PTPRS: variants seen among roughly 807,000 people sequenced by gnomAD.
The protein encoded by PTPRS is protein tyrosine phosphatase receptor type S.
A neutral mutation model predicts 215.3 loss-of-function variants in PTPRS; 63 were observed. The observed-to-expected ratio is 0.29, with a 90% confidence interval of 0.24 to 0.36. The LOEUF is 0.36. PTPRS is among the 10% of genes least tolerant of loss of function. PTPRS has a pLI of 1.00. For missense variants in PTPRS, 2,258 were observed against 2,825.8 expected, an observed-to-expected ratio of 0.80 and a Z score of 4.56; for synonymous variants, 1,404 against 1,191.4, an observed-to-expected ratio of 1.18 and a Z score of -3.68.
intron 1 of PTPRS, among the ~76,000 whole-genome samples, chr19:5,298,030 A>G (rs1166937699): frequency 6.6e-6 from 1 of 152,038 alleles, no homozygotes; most frequent in African/African-American, 2.4e-5. Context: ...TCCTGACCTC[A>G]TGATCCGCCC....
intron 1 of PTPRS, among the ~76,000 whole-genome samples, chr19:5,321,542 T>C (rs2050023996): frequency 6.6e-6 from 1 of 152,198 alleles, no homozygotes; most frequent in Non-Finnish European, 1.5e-5. Flanking sequence ...GGTCATTTTG[T>C]AGAGGCCTCA....
chr19:5,264,720 C>A (rs2046277869), intron 5 of PTPRS, among the ~76,000 whole-genome samples: 1 of 152,138 alleles, frequency 6.6e-6, no homozygotes, highest in Non-Finnish European at 1.5e-5. Context: ...AACTCCCCAT[C>A]CTTGTGCATG....
Position 5,210,426 on chromosome 19 carries a change from A to G in PTPRS, c.5487+43T>C. ...CAACCAGGGCAGCCCTTTCCAGATC[A>G]CTAAGGCTCCAGCCCCTCCCGCCAG... On this transcript the variant is annotated intron_variant, in intron 35 of 37. Transcript: ENST00000262963. This position sits in a 1 kb window ranked among gnomAD's most constrained non-coding sequence, Gnocchi z 4.5. 6.2e-7 allele frequency: 1 copy of G among 1,613,100 alleles called. No homozygotes were observed. Among genetic ancestry groups the G allele is most frequent in the Non-Finnish European group, 8.5e-7 (1 of 1,179,486 alleles).
intron 9 of PTPRS, among the ~76,000 whole-genome samples, chr19:5,252,406 G>A (rs1011588929): frequency 2.0e-5 from 3 of 151,898 alleles, no homozygotes; most frequent in African/African-American, 4.8e-5. Context: ...GTGAAACCCT[G>A]TCTCTACCAG....
intron 1 of PTPRS, among the ~76,000 whole-genome samples, chr19:5,324,780 G>A (rs1363781637): frequency 1.3e-5 from 2 of 152,172 alleles, no homozygotes; most frequent in Non-Finnish European, 2.9e-5. Context: ...AGGACCACGA[G>A]GCACTCAGCT....
At chr19:5,326,340 G>T (rs1454710804) in intron 1 of PTPRS, among the ~76,000 whole-genome samples, 1 of 152,208 alleles carries the variant, frequency 6.6e-6, no homozygotes, top group East Asian at 1.9e-4. Flanking sequence ...CCTCAGGGGT[G>T]CTCAGGCTTC....
chr19:5,316,455 T>C (rs2049879723), intron 1 of PTPRS, among the ~76,000 whole-genome samples: 1 of 152,100 alleles, frequency 6.6e-6, no homozygotes, highest in Non-Finnish European at 1.5e-5. Context: ...TGTGGTGCTG[T>C]GATCTTGGCT....
At chr19:5,219,917 G>A (rs185219892) in intron 22 of PTPRS, 22 bp downstream of exon 22, 24,371 of 1,610,114 alleles carry the variant, frequency 0.015, 221 homozygotes, top group Non-Finnish European at 0.017. Flanking sequence ...CTGGATGTGG[G>A]CGGACACCAT....
chr19:5,334,152 T>G (rs993943578), intron 1 of PTPRS, among the ~76,000 whole-genome samples: 4 of 152,172 alleles, frequency 2.6e-5, no homozygotes, highest in African/African-American at 9.7e-5. Flanking sequence ...TGGGGCGGCC[T>G]TGATTAAGCA....
chr19:5,218,149 C>T (rs1414660245), intron 25 of PTPRS, among the ~76,000 whole-genome samples: 8 of 151,506 alleles, frequency 5.3e-5, no homozygotes, highest in Non-Finnish European at 1.2e-4. Flanking sequence ...ATTTTTTAAA[C>T]ATCGTCTTTA....
rs1024617730 is a variant in PTPRS, at chr19:5,268,086, C to T, written c.380-2890G>A. On this transcript the variant is annotated intron_variant, in intron 4 of 37. Coordinates refer to ENST00000262963, the MANE Select transcript of PTPRS (RefSeq NM_002850.4). ...TCGGGAGGCTGAGGCAGGAGAATGG[C>T]GTGAAGCCGGGAGGCGGACTTTGCA... Among the ~76,000 whole-genome samples the T allele has an allele frequency of 5.3e-5, 8 of 152,202 alleles. No individual in the cohort carries two copies. The South Asian group carries it at 1.5e-3, about 28-fold the overall frequency.
chr19:5,242,579 A>G (rs570956699), intron 11 of PTPRS, among the ~76,000 whole-genome samples: 40 of 145,540 alleles, frequency 2.7e-4, no homozygotes, highest in African/African-American at 1.0e-3. Context: ...AGGTTTTGTC[A>G]TGTTGGCCAG....
At chr19:5,275,418 A>C (rs2047281002) in intron 2 of PTPRS, among the ~76,000 whole-genome samples, 1 of 147,784 alleles carries the variant, frequency 6.8e-6, no homozygotes, top group Non-Finnish European at 1.5e-5. Context: ...ATAGGGATTC[A>C]CTCTGTCACC....
intron 24 of PTPRS, 102 bp from the exon 25 acceptor site, chr19:5,218,634 A>G (rs1430590856): frequency 4.0e-6 from 6 of 1,512,636 alleles, no homozygotes; most frequent in Non-Finnish European, 5.5e-6. Context: ...AGGACCATGG[A>G]CCCGTATGAC....
intron 1 of PTPRS, among the ~76,000 whole-genome samples, chr19:5,310,268 T>TA (rs1391891621): frequency 1.3e-5 from 2 of 151,990 alleles, no homozygotes; most frequent in African/African-American, 4.8e-5. Flanking sequence ...ATTCTGTAGC[T>TA]AAAACAGCCC....
chr19:5,311,872 C>T (rs74174305), intron 1 of PTPRS, among the ~76,000 whole-genome samples: 1 of 152,024 alleles, frequency 6.6e-6, no homozygotes, highest in African/African-American at 2.4e-5. Flanking sequence ...AACCCCGTCT[C>T]TACTAAAAAT....
chr19:5,328,340 C>T (rs953876896), intron 1 of PTPRS, among the ~76,000 whole-genome samples: 1 of 152,014 alleles, frequency 6.6e-6, no homozygotes, highest in Non-Finnish European at 1.5e-5. Context: ...AAACTCCTGA[C>T]CTCAGGTGAT....
chr19:5,279,963 G>A (rs537092499), intron 2 of PTPRS, among the ~76,000 whole-genome samples: 4 of 152,174 alleles, frequency 2.6e-5, no homozygotes, highest in African/African-American at 9.7e-5. Flanking sequence ...GATTACAGGC[G>A]TGAGCCACCA....
At chr19:5,290,466 G>C (rs2048720000) in intron 1 of PTPRS, among the ~76,000 whole-genome samples, 1 of 152,220 alleles carries the variant, frequency 6.6e-6, no homozygotes, top group South Asian at 2.1e-4. Flanking sequence ...CCAGGCGCCG[G>C]GGCATGGGTC....
Sources: gnomAD v4.1 joint callset for allele counts (sites outside exome capture counted in the v4.1 genomes callset) on GRCh38, gnomAD v4.1.1 for gene constraint, Gnocchi (gnomAD v3.1) non-coding constraint, MANE v1.5 for transcripts, NCBI Gene and HGNC (gene_info 2026-07-23, HGNC 2026-07-21) for gene names.